The following EIF2D variants were observed in gnomAD, a reference collection of about 807,000 sequenced individuals.
EIF2D encodes hepatocellular carcinoma-associated antigen 56.
In EIF2D, 56 loss-of-function variants were observed where a neutral mutation model predicts 77.4. That is an observed-to-expected ratio of 0.72 (90% CI 0.58 to 0.90). The LOEUF is 0.90. Ranked by LOEUF, EIF2D falls within the 40% of genes least tolerant of loss-of-function variation. The pLI is 0.00. For synonymous variants in EIF2D, 230 were observed against 271.0 expected (o/e 0.85, Z 1.49); for missense variants, 574 against 706.5 (o/e 0.81, Z 2.13).
downstream of EIF2D, chr1:206,587,120 CTT>C: frequency 9.4e-7 from 1 of 1,058,954 alleles, no homozygotes; most frequent in African/African-American, 1.6e-5. Context: ...GCAAAAGTCT[CTT>C]CCATGGACAA....
chr1:206,602,658 C>T, intron 6 of EIF2D: 1 of 634,952 alleles, frequency 1.6e-6, no homozygotes, highest in Admixed American at 2.9e-5. Context: ...CAAAGTCCCA[C>T]CAAGCTAGGA....
At chr1:206,582,847 C>G (rs1668947078) in intron 2 of EIF2D, among the ~76,000 whole-genome samples, 1 of 152,220 alleles carries the variant, frequency 6.6e-6, no homozygotes. Flanking sequence ...CTTGAGGAGA[C>G]AGACCATGGC....
At chr1:206,587,167 A>G (rs756222354), downstream of EIF2D, 2 of 633,856 alleles carry the variant, frequency 3.2e-6, no homozygotes, top group Non-Finnish European at 5.5e-6. Flanking sequence ...GCCCGCCCCC[A>G]GGCTGTGCCC....
In EIF2D at chr1:206,599,962, A is replaced by G; in HGVS notation, c.949-126T>C. On this transcript the variant is annotated intron_variant, in intron 8 of 14. Coordinates refer to ENST00000271764, the MANE Select transcript of EIF2D (RefSeq NM_006893.3). This position sits in a 1 kb window ranked among gnomAD's most constrained non-coding sequence, Gnocchi z 4.1. Reference sequence around the variant, plus strand: ...ATATGAGACAGCCCCTGCCTTCATCAACCAGGAACTGGGAGGCCCCCAACC... The same window carrying G: ...ATATGAGACAGCCCCTGCCTTCATCGACCAGGAACTGGGAGGCCCCCAACC... 1 of 943,876 alleles carries G rather than the reference A, an allele frequency of 1.1e-6. No homozygotes were observed. The highest frequency in any genetic ancestry group is 1.6e-6 in the Non-Finnish European group (1 of 634,244). The allele number at this position is 943,876 out of a possible 1,614,324, so 58.5% of individuals were successfully genotyped here.
rs12074681 is a variant in EIF2D, at chr1:206,583,497, C to T, written c.139-2335G>A. 3,166 of 731,358 alleles carry T rather than the reference C, an allele frequency of 4.3e-3. 77 individuals carry two copies. The African/African-American group carries it at 0.048, about 11-fold the overall frequency. 45.3% of individuals were successfully genotyped at this position (731,358 alleles called of 1,614,324 possible). A position where few individuals can be genotyped will look rare whatever the true frequency, so the allele number is the denominator to read the frequency against. On this transcript the variant is annotated intron_variant and NMD_transcript_variant, in intron 2 of 5. Transcript: ENST00000472709. ...CCTGGCAGGTCCCCTCCCTTTCCTC[C>T]GGCCTCCAGAGGCCTCCGGGGTCTG...
Position 206,608,195 on chromosome 1 carries a change from A to G in EIF2D, c.422+41T>C, listed in dbSNP as rs566895596. The G allele has an allele frequency of 3.5e-5, 55 of 1,576,806 alleles. No individual in the cohort carries two copies. The South Asian group carries it at 6.1e-4, about 18-fold the overall frequency. On this transcript the variant is annotated intron_variant, in intron 4 of 14. Coordinates refer to ENST00000271764, the MANE Select transcript of EIF2D (RefSeq NM_006893.3). ...CATTCCCCTCCAACTTCTCTTTTAC[A>G]CAAGTTTTTCCCCCAAAGGCACAGT...
At chr1:206,603,593 G>A (rs1307634640) in intron 5 of EIF2D, 1 of 178,384 alleles carries the variant, frequency 5.6e-6, no homozygotes, top group Non-Finnish European at 1.2e-5. Flanking sequence ...GATCGCGAAT[G>A]CATCTGTAAT....
At chr1:206,593,502 A>AGTGT in intron 14 of EIF2D, 117 bp downstream of exon 14, 2 of 428,080 alleles carry the variant, frequency 4.7e-6, no homozygotes, top group South Asian at 5.2e-5. Flanking sequence ...AGAGAGAGAG[A>AGTGT]GAGAGAGTGT....
At chr1:206,602,844 C>T in intron 6 of EIF2D, 107 bp downstream of exon 6, 1 of 1,476,714 alleles carries the variant, frequency 6.8e-7, no homozygotes, top group Non-Finnish European at 9.1e-7. Context: ...ACCTTCCCCT[C>T]CTCCCCCGGA....
chr1:206,585,322 C>T, intron 2 of EIF2D: 1 of 1,585,508 alleles, frequency 6.3e-7, no homozygotes, highest in African/African-American at 1.3e-5. Flanking sequence ...TGTGCAAACC[C>T]AGGCCTTAGG....
In EIF2D at chr1:206,597,110, G is replaced by C; in HGVS notation, c.1378C>G (p.Leu460Val). 8.1e-6 allele frequency: 13 copies of C among 1,613,858 alleles called. No individual in the cohort carries two copies. The highest frequency in any genetic ancestry group is 1.1e-5 in the Non-Finnish European group (13 of 1,179,796). Residue 460 changes from leucine to valine, a missense_variant, in exon 12 of 15, where the codon CTT (leucine) becomes GTT (valine). Transcript: ENST00000271764. ...HTVMKLPWDS[L>V]LTRCLEKLQP... ...GCCAATGCTCGTTACCTGGTCAGAA[G>C]ACTGTCCCATGGAAGCTTCATGACT... is the stretch of plus-strand genomic sequence containing the variant.
At position 206,593,607 on chromosome 1, in the gene EIF2D, G is replaced by A; in HGVS notation, c.1684+12C>T. 1 of 1,598,168 alleles carries A rather than the reference G, an allele frequency of 6.3e-7. No homozygotes were observed. The highest frequency in any genetic ancestry group is 8.6e-7 in the Non-Finnish European group (1 of 1,168,840). On this transcript the variant is annotated intron_variant, in intron 14 of 14. Coordinates refer to ENST00000271764, the MANE Select transcript of EIF2D (RefSeq NM_006893.3). Reference sequence around the variant, plus strand: ...TAGACCAATGCCTCCACTCTTCAGAGGGGATGCTCACCAAGCAATAGCCAG... The same window carrying A: ...TAGACCAATGCCTCCACTCTTCAGAAGGGATGCTCACCAAGCAATAGCCAG...
At position 206,591,706 on chromosome 1, in the gene EIF2D, T is replaced by C. The variant is rs1184825665; in HGVS notation, c.*69A>G. On this transcript the variant is annotated 3_prime_UTR_variant, in exon 15 of 15. Transcript: ENST00000271764. ...ATTTTGTATTTGCAAAAGCTGAAAA[T>C]GCTCATAAAAATTACCAGCCCAGAG... 2.9e-6 allele frequency: 4 copies of C among 1,361,580 alleles called. No individual in the cohort carries two copies. The highest frequency in any genetic ancestry group is 2.9e-5 in the African/African-American group (2 of 69,070). 84.3% of individuals were successfully genotyped at this position (1,361,580 alleles called of 1,614,324 possible). A position where few individuals can be genotyped will look rare whatever the true frequency, so the allele number is the denominator to read the frequency against.
downstream of EIF2D, among the ~76,000 whole-genome samples, chr1:206,570,245 C>A (rs534455057): frequency 6.6e-6 from 1 of 151,910 alleles, no homozygotes; most frequent in South Asian, 2.1e-4. Context: ...GCATGGACCA[C>A]CACGCTTGGC....
At position 206,584,569 on chromosome 1, in the gene EIF2D, C is replaced by T. The variant is rs1382654916; in HGVS notation, c.139-3407G>A. On this transcript the variant is annotated intron_variant and NMD_transcript_variant, in intron 2 of 5. Coordinates refer to the EIF2D transcript ENST00000472709. The surrounding 1 kb of genome is among the most constrained non-coding windows in gnomAD (Gnocchi z 4.9). ...CCCTAGATGCCATCAAGCAGCTGCA[C>T]ATCAGCAGCACCACCACCGTCAGTG... 3.1e-6 allele frequency: 5 copies of T among 1,614,096 alleles called. No individual in the cohort carries two copies. The highest frequency in any genetic ancestry group is 3.4e-6 in the Non-Finnish European group (4 of 1,180,038).
chr1:206,569,676 G>A (rs766217305), downstream of EIF2D, among the ~76,000 whole-genome samples: 3 of 152,202 alleles, frequency 2.0e-5, no homozygotes, highest in Non-Finnish European at 4.4e-5. Flanking sequence ...ATGTGGGTAG[G>A]TGGACCAGTT....
chr1:206,593,693 G>A lies in EIF2D; in HGVS notation c.1610C>T (p.Ala537Val), dbSNP rs781901466. Residue 537 changes from alanine (A) to valine (V), a missense_variant, in exon 14 of 15, where the codon GCC becomes GTC. Coordinates refer to ENST00000271764, the MANE Select transcript of EIF2D (RefSeq NM_006893.3). ...RCQASTTVNP[A>V]PGAKDSLQVQ... Reference sequence around the variant, plus strand: ...CTGAAGGCTGTCCTTGGCCCCAGGGGCAGGATTGACGGTGGTGCTAGCCTG... The same window carrying A: ...CTGAAGGCTGTCCTTGGCCCCAGGGACAGGATTGACGGTGGTGCTAGCCTG... The A allele has an allele frequency of 1.1e-5, 17 of 1,613,868 alleles. No homozygotes were observed. The highest frequency in any genetic ancestry group is 1.7e-5 in the Admixed American group (1 of 59,990).
At chr1:206,593,515 GT>G in intron 14 of EIF2D, 103 bp downstream of exon 14, 1 of 722,812 alleles carries the variant, frequency 1.4e-6, no homozygotes. Context: ...GAGAGTGTGT[GT>G]GTGTGTGTGT....
intron 4 of EIF2D, among the ~76,000 whole-genome samples, chr1:206,577,927 A>G (rs574301834): frequency 6.6e-6 from 1 of 152,252 alleles, no homozygotes; most frequent in African/African-American, 2.4e-5. Flanking sequence ...GTCTACTTGG[A>G]GGTTAATGTA....
Sources: gnomAD v4.1 joint callset for allele counts (sites outside exome capture counted in the v4.1 genomes callset) on GRCh38, gnomAD v4.1.1 for gene constraint, Gnocchi (gnomAD v3.1) non-coding constraint, MANE v1.5 for transcripts, NCBI Gene and HGNC (gene_info 2026-07-23, HGNC 2026-07-21) for gene names.